Variants in KANK4 observed in about 807,000 individuals in gnomAD.
KANK4 encodes the protein KN motif and ankyrin repeat domain-containing protein 4.
In KANK4, 50 loss-of-function variants were observed where a neutral mutation model predicts 80.8. The observed-to-expected ratio is 0.62, with a 90% confidence interval of 0.49 to 0.78. KANK4 has a LOEUF of 0.78. KANK4 is among the 30% of genes least tolerant of loss of function. KANK4 has a pLI of 0.00. For synonymous variants in KANK4, 465 were observed against 506.9 expected (o/e 0.92, Z 1.11); for missense variants, 1,196 against 1,240.1 (o/e 0.96, Z 0.53).
chr1:62,248,729 G>A lies in KANK4; in HGVS notation c.2683-1057C>T, dbSNP rs563207320. Among the ~76,000 whole-genome samples, 18 of 151,386 alleles carry A rather than the reference G, an allele frequency of 1.2e-4. No homozygotes were observed. In the East Asian group the frequency reaches 3.3e-3, roughly 28 times the overall value. The stretch of plus-strand genomic sequence containing the variant: ...CCAGCTAATTTTTGTGTTTTTATTA[G>A]AGACAGGCTTTCCCCATGTTGACCA... On this transcript the variant is annotated intron_variant, in intron 8 of 9. Transcript: ENST00000371153.
chr1:62,267,992 G>C (rs1672065680), intron 5 of KANK4, among the ~76,000 whole-genome samples: 1 of 152,110 alleles, frequency 6.6e-6, no homozygotes, highest in African/African-American at 2.4e-5. Flanking sequence ...TGTCCTGCAG[G>C]ACTGTTGGAA....
intron 1 of KANK4, among the ~76,000 whole-genome samples, chr1:62,284,908 C>T (rs984263334): frequency 1.3e-5 from 2 of 152,086 alleles, no homozygotes; most frequent in East Asian, 1.9e-4. Flanking sequence ...GTCTAACTCA[C>T]GGCAGACACT....
chr1:62,311,016 G>A (rs1266348572), intron 1 of KANK4, among the ~76,000 whole-genome samples: 2 of 152,088 alleles, frequency 1.3e-5, no homozygotes, highest in Non-Finnish European at 2.9e-5. Flanking sequence ...ATGCCTGTGA[G>A]TGGGTTAAGG....
chr1:62,250,686 C>T (rs2457807), intron 8 of KANK4, among the ~76,000 whole-genome samples: 334 of 145,896 alleles, frequency 2.3e-3, no homozygotes, highest in African/African-American at 8.0e-3. Context: ...TTGCAAGCAA[C>T]CCCTCTTACA....
intron 8 of KANK4, among the ~76,000 whole-genome samples, chr1:62,251,670 C>G (rs747637075): frequency 2.0e-5 from 3 of 152,072 alleles, no homozygotes; most frequent in Non-Finnish European, 1.5e-5. Flanking sequence ...TTGGAGTGAA[C>G]CCCAATCAAC....
intron 8 of KANK4, 54 bp from the exon 9 acceptor site, chr1:62,247,726 C>T: frequency 2.0e-6 from 3 of 1,473,984 alleles, no homozygotes; most frequent in Non-Finnish European, 2.8e-6. Context: ...GGGAAGGACC[C>T]CCTCTCCAGC....
Position 62,319,223 on chromosome 1 carries a change from A to T in KANK4, c.-188T>A, listed in dbSNP as rs960916682. On this transcript the variant is annotated 5_prime_UTR_variant, in exon 1 of 10. Coordinates refer to ENST00000371153, the MANE Select transcript of KANK4 (RefSeq NM_181712.5). ...CCTCCGGGTGCACTGTCCGCGTCCC[A>T]GGCGCGCACCCCGGGGCTGGCGCAC... is the stretch of plus-strand genomic sequence containing the variant. 3 of 151,982 alleles carry T rather than the reference A, an allele frequency of 2.0e-5. No homozygotes were observed. The highest frequency in any genetic ancestry group is 4.4e-5 in the Non-Finnish European group (3 of 67,958). 9.4% of individuals were successfully genotyped at this position (151,982 alleles called of 1,614,324 possible). A position where few individuals can be genotyped will look rare whatever the true frequency, so the allele number is the denominator to read the frequency against.
chr1:62,277,657 C>G (rs2149147257), intron 2 of KANK4, among the ~76,000 whole-genome samples: 2 of 152,292 alleles, frequency 1.3e-5, no homozygotes, highest in Middle Eastern at 6.8e-3. Flanking sequence ...GAAGCCCAAA[C>G]AGCCCCACAG....
rs769867082 is a variant in KANK4 at position 62,274,572 on chromosome 1, G to T, written c.532C>A (p.Pro178Thr). The change falls in exon 3 of 10, where the codon CCA becomes ACA. Residue 178 changes from proline (P) to threonine (T), a missense_variant. This residue lies in a region of KANK4 where 1,154 missense variants were observed against 1,179.6 expected (regional missense o/e 0.98). Transcript: ENST00000371153. ...GCAGGGGGCCCCAGGCTCAGGCCTG[G>T]CTCCTCAGAAGCCCTGCTGTGCAGC... ...TLLHSRASEEPGLSLGPPAPP... is the reference protein window; with the variant it reads ...TLLHSRASEETGLSLGPPAPP... The T allele has an allele frequency of 6.2e-7, 1 of 1,613,898 alleles. No individual in the cohort carries two copies.
chr1:62,312,789 C>CA (rs1644508020), intron 1 of KANK4, among the ~76,000 whole-genome samples: 1 of 152,102 alleles, frequency 6.6e-6, no homozygotes, highest in South Asian at 2.1e-4. Context: ...AAGAGAGCTT[C>CA]GTGCAATCGT....
intron 1 of KANK4, among the ~76,000 whole-genome samples, chr1:62,313,191 T>A (rs1270350375): frequency 6.6e-6 from 1 of 152,250 alleles, no homozygotes; most frequent in Non-Finnish European, 1.5e-5. Flanking sequence ...ATCACAGGTA[T>A]GTATGCATAG....
At chr1:62,253,237 A>G (rs982437548) in intron 7 of KANK4, 28 bp from the exon 8 acceptor site, 1 of 1,576,968 alleles carries the variant, frequency 6.3e-7, no homozygotes, top group African/African-American at 1.4e-5. Context: ...GGTGCTGCAA[A>G]GGCTCCTGAG....
chr1:62,268,848 T>G (rs914895647), intron 4 of KANK4, among the ~76,000 whole-genome samples: 1 of 152,250 alleles, frequency 6.6e-6, no homozygotes, highest in Non-Finnish European at 1.5e-5. Context: ...TCCAGCGTTC[T>G]CATGAAAGCA....
intron 1 of KANK4, among the ~76,000 whole-genome samples, chr1:62,283,217 C>T (rs1020000352): frequency 5.9e-5 from 9 of 152,194 alleles, no homozygotes; most frequent in African/African-American, 9.6e-5. Context: ...TCTCCACCAT[C>T]GCAGCCTCTC....
intron 1 of KANK4, among the ~76,000 whole-genome samples, chr1:62,305,280 C>T (rs1417198994): frequency 6.6e-6 from 1 of 151,868 alleles, no homozygotes; most frequent in African/African-American, 2.4e-5. Context: ...AAACAAAACC[C>T]GAATGCAGCT....
At chr1:62,250,304 G>A (rs920221261) in intron 8 of KANK4, among the ~76,000 whole-genome samples, 1 of 152,196 alleles carries the variant, frequency 6.6e-6, no homozygotes, top group Non-Finnish European at 1.5e-5. Context: ...TGTTATTAAA[G>A]CCAGATGACA....
At chr1:62,297,315 T>C (rs958827761) in intron 1 of KANK4, among the ~76,000 whole-genome samples, 8 of 150,504 alleles carry the variant, frequency 5.3e-5, no homozygotes, top group Non-Finnish European at 1.0e-4. Context: ...AGCTAGATAC[T>C]GTTGTCCTAT....
intron 1 of KANK4, among the ~76,000 whole-genome samples, chr1:62,301,518 C>T (rs6675508): frequency 0.74 from 112,305 of 151,756 alleles, 42,829 homozygotes; most frequent in African/African-American, 0.92. Context: ...ATGAAAACAG[C>T]GTAGCCTGGG....
intron 1 of KANK4, among the ~76,000 whole-genome samples, chr1:62,300,576 A>G (rs1043856254): frequency 1.3e-5 from 2 of 152,124 alleles, no homozygotes; most frequent in Non-Finnish European, 2.9e-5. Flanking sequence ...CTAGCTAGAG[A>G]TGAAAACATG....
Sources: allele counts gnomAD v4.1 joint callset (sites outside exome capture counted in the v4.1 genomes callset), GRCh38; gene constraint gnomAD v4.1.1; regional missense constraint gnomAD v4.1.1; transcripts MANE v1.5; gene names NCBI Gene and HGNC (gene_info 2026-07-23, HGNC 2026-07-21).